Variants in SV2C observed in about 807,000 individuals in gnomAD.
SV2C encodes synaptic vesicle glycoprotein 2C.
In SV2C, 49 loss-of-function variants were observed where a neutral mutation model predicts 79.7. That is an observed-to-expected ratio of 0.61 (90% CI 0.49 to 0.78). The LOEUF (loss-of-function observed/expected upper bound fraction) is 0.78. Among genes scored for constraint, SV2C ranks in the 30% least tolerant of loss-of-function variants. The pLI, the probability that SV2C is intolerant of heterozygous loss-of-function variation, is 0.00. For synonymous variants in SV2C, 334 were observed against 333.2 expected, an observed-to-expected ratio of 1.00 and a Z score of -0.03; for missense variants, 833 against 912.9, an observed-to-expected ratio of 0.91 and a Z score of 1.13.
chr5:76,030,405 C>A, the SV2C span, among the ~76,000 whole-genome samples: 11 of 150,938 alleles, frequency 7.3e-5, no homozygotes, highest in Non-Finnish European at 1.5e-4. Context: ...GCGTATTGAG[C>A]ACTTCACAGA....
chr5:75,908,657 G>A, the SV2C span, among the ~76,000 whole-genome samples: 1 of 152,170 alleles, frequency 6.6e-6, no homozygotes, highest in Non-Finnish European at 1.5e-5. Context: ...TCAATTGTCA[G>A]AAATGCCCCC....
At chr5:75,854,043 C>G in the SV2C span, among the ~76,000 whole-genome samples, 1 of 150,880 alleles carries the variant, frequency 6.6e-6, no homozygotes, top group African/African-American at 2.4e-5. Context: ...TCAGTCCCCA[C>G]CCAACCTTAC....
At chr5:76,281,247 ACT>A (rs1747184569) in intron 4 of SV2C, 1 of 519,182 alleles carries the variant, frequency 1.9e-6, no homozygotes. Context: ...AAAGTAATAG[ACT>A]CTGATGAAGA....
chr5:75,988,141 A>C, the SV2C span, among the ~76,000 whole-genome samples: 1 of 152,030 alleles, frequency 6.6e-6, no homozygotes, highest in South Asian at 2.1e-4. Context: ...ACACATATAC[A>C]TTTAAGATAG....
At chr5:76,226,455 A>C (rs1745248176) in intron 4 of SV2C, among the ~76,000 whole-genome samples, 1 of 152,222 alleles carries the variant, frequency 6.6e-6, no homozygotes, top group Non-Finnish European at 1.5e-5. Context: ...TTCCAAAAAA[A>C]AGGCAAAATT....
chr5:76,252,599 T>G (rs1041992431), intron 4 of SV2C, among the ~76,000 whole-genome samples: 1 of 152,224 alleles, frequency 6.6e-6, no homozygotes, highest in Middle Eastern at 3.2e-3. Flanking sequence ...TTCAAAATAT[T>G]GGTATAGCTG....
intron 4 of SV2C, among the ~76,000 whole-genome samples, chr5:76,283,721 T>C (rs1337341417): frequency 6.6e-6 from 1 of 152,134 alleles, no homozygotes; most frequent in Non-Finnish European, 1.5e-5. Flanking sequence ...ATTCCCAGAG[T>C]CTACTAATCT....
At chr5:75,893,194 G>T in the SV2C span, among the ~76,000 whole-genome samples, 1 of 151,872 alleles carries the variant, frequency 6.6e-6, no homozygotes, top group Non-Finnish European at 1.5e-5. Context: ...AACATTTTTT[G>T]ATATTTTTTT....
In SV2C at chr5:76,131,740, G is replaced by C. The variant is rs1259855690; in HGVS notation, c.-11G>C. On this transcript the variant is annotated 5_prime_UTR_variant, in exon 2 of 13. Coordinates refer to ENST00000502798, the MANE Select transcript of SV2C (RefSeq NM_014979.4). ...TTTCCCATCTTCTCATTGGCCATCAGTTGAGATAAGATGGAAGACTCTTAC... is the reference window on the plus strand; with the variant it reads ...TTTCCCATCTTCTCATTGGCCATCACTTGAGATAAGATGGAAGACTCTTAC... 2.5e-6 allele frequency: 4 copies of C among 1,583,282 alleles called. No individual in the cohort carries two copies. The highest frequency in any genetic ancestry group is 3.4e-6 in the Non-Finnish European group (4 of 1,161,808).
intron 4 of SV2C, among the ~76,000 whole-genome samples, chr5:76,220,393 C>G (rs1203659695): frequency 3.3e-5 from 5 of 151,998 alleles, no homozygotes; most frequent in Non-Finnish European, 1.5e-5. Context: ...AATTGACAGC[C>G]GGGTGCAGTG....
the SV2C span, among the ~76,000 whole-genome samples, chr5:76,001,353 C>G: frequency 6.6e-6 from 1 of 152,170 alleles, no homozygotes; most frequent in Non-Finnish European, 1.5e-5. Context: ...GTAATCCCAG[C>G]ACTTTGGGAG....
At chr5:76,244,009 G>C (rs887758204) in intron 4 of SV2C, among the ~76,000 whole-genome samples, 3 of 152,172 alleles carry the variant, frequency 2.0e-5, no homozygotes, top group Non-Finnish European at 4.4e-5. Context: ...CTGTGGCTTG[G>C]AGAGGCCATC....
chr5:75,858,615 T>C, the SV2C span, among the ~76,000 whole-genome samples: 13 of 152,360 alleles, frequency 8.5e-5, no homozygotes, highest in South Asian at 2.7e-3. Flanking sequence ...ACTCAGCTCA[T>C]AGAATGAGTT....
At chr5:76,017,892 C>G in the SV2C span, among the ~76,000 whole-genome samples, 1 of 152,094 alleles carries the variant, frequency 6.6e-6, no homozygotes, top group Non-Finnish European at 1.5e-5. Flanking sequence ...ACTATTTTTG[C>G]TACAAACACA....
At chr5:76,061,229 G>A in the SV2C span, among the ~76,000 whole-genome samples, 5 of 115,406 alleles carry the variant, frequency 4.3e-5, no homozygotes, top group East Asian at 6.2e-4. Context: ...GGTCCCCATA[G>A]ATTTACTTGA....
chr5:76,227,033 G>C (rs1237174937), intron 4 of SV2C, among the ~76,000 whole-genome samples: 1 of 152,176 alleles, frequency 6.6e-6, no homozygotes, highest in Non-Finnish European at 1.5e-5. Context: ...CCTGCTCAAG[G>C]AAAGGAAGGA....
chr5:76,044,971 T>C, the SV2C span, among the ~76,000 whole-genome samples: 1 of 152,220 alleles, frequency 6.6e-6, no homozygotes, highest in Non-Finnish European at 1.5e-5. Context: ...TTTTATGTTT[T>C]CATCATGGAA....
At chr5:75,908,286 T>G in the SV2C span, among the ~76,000 whole-genome samples, 1 of 152,214 alleles carries the variant, frequency 6.6e-6, no homozygotes, top group Middle Eastern at 3.2e-3. Context: ...ACATAATATG[T>G]TGCCTTTTGT....
chr5:76,027,264 G>A, the SV2C span, among the ~76,000 whole-genome samples: 235 of 151,950 alleles, frequency 1.5e-3, 1 homozygote, highest in African/African-American at 5.4e-3. Context: ...GTTTCACCAT[G>A]TTGTCCAGGC....
Sources: gnomAD v4.1 joint callset for allele counts (sites outside exome capture counted in the v4.1 genomes callset) on GRCh38, gnomAD v4.1.1 for gene constraint, MANE v1.5 for transcripts, NCBI Gene and HGNC (gene_info 2026-07-23, HGNC 2026-07-21) for gene names.